The following LRRC37A2 variants were observed in gnomAD, a reference collection of about 807,000 sequenced individuals.
The protein encoded by LRRC37A2 is leucine rich repeat containing 37 member A2, also known as leucine-rich repeat-containing protein 37A2.
Under a neutral mutation model 68.8 loss-of-function variants are expected in LRRC37A2, and 9 were observed. That is an observed-to-expected ratio of 0.13 (90% CI 0.08 to 0.23). The LOEUF (loss-of-function observed/expected upper bound fraction) is 0.23. Ranked by LOEUF, LRRC37A2 falls within the 10% of genes least tolerant of loss-of-function variation. The probability of loss-of-function intolerance (pLI) is 1.00; values close to 1 mark genes in which losing one functional copy is unlikely to be tolerated. For synonymous variants in LRRC37A2, 63 were observed against 367.6 expected, an observed-to-expected ratio of 0.17 and a Z score of 9.48; for missense variants, 168 against 950.4, an observed-to-expected ratio of 0.18 and a Z score of 10.82.
the LRRC37A2 span, among the ~76,000 whole-genome samples, chr17:46,818,298 C>A: frequency 2.3e-4 from 35 of 149,626 alleles, no homozygotes; most frequent in Non-Finnish European, 4.6e-4. Context: ...CCAGCCCCTG[C>A]AGCGGGGAGC....
chr17:47,024,227 G>A, the LRRC37A2 span, among the ~76,000 whole-genome samples: 18 of 152,282 alleles, frequency 1.2e-4, no homozygotes, highest in African/African-American at 4.1e-4. Flanking sequence ...TATGTTATGT[G>A]CACTTTATGC....
At chr17:46,941,465 G>A in the LRRC37A2 span, 3 of 980,180 alleles carry the variant, frequency 3.1e-6, no homozygotes, top group Non-Finnish European at 3.6e-6. Flanking sequence ...CCATGGCCAG[G>A]GGCTGGGCTG....
the LRRC37A2 span, among the ~76,000 whole-genome samples, chr17:46,812,185 C>G: frequency 6.8e-6 from 1 of 147,288 alleles, no homozygotes; most frequent in Non-Finnish European, 1.5e-5. Flanking sequence ...GGCCTAGCCT[C>G]TCACTGAGAG....
chr17:46,882,273 C>T, the LRRC37A2 span, among the ~76,000 whole-genome samples: 1 of 152,212 alleles, frequency 6.6e-6, no homozygotes, highest in African/African-American at 2.4e-5. Flanking sequence ...CTAGAACAGT[C>T]CCCCTCTTTC....
At chr17:46,996,436 G>T in the LRRC37A2 span, among the ~76,000 whole-genome samples, 1 of 152,170 alleles carries the variant, frequency 6.6e-6, no homozygotes, top group Non-Finnish European at 1.5e-5. Flanking sequence ...ATATGCCCAT[G>T]ACCTGGGTTA....
the LRRC37A2 span, among the ~76,000 whole-genome samples, chr17:46,708,630 T>C: frequency 2.7e-5 from 4 of 149,730 alleles, no homozygotes; most frequent in Non-Finnish European, 1.5e-5. Flanking sequence ...TAGCTGGGAT[T>C]GTAGGCACCC....
At chr17:46,965,379 G>A in the LRRC37A2 span, among the ~76,000 whole-genome samples, 3 of 152,242 alleles carry the variant, frequency 2.0e-5, no homozygotes, top group African/African-American at 7.2e-5. Flanking sequence ...CAAGGAGAGA[G>A]AAAGCTGGTC....
At chr17:46,940,142 T>C in the LRRC37A2 span, 4 of 1,293,220 alleles carry the variant, frequency 3.1e-6, no homozygotes, top group Non-Finnish European at 3.9e-6. Flanking sequence ...TCCCCGCTGC[T>C]CTGTAGTCAT....
the LRRC37A2 span, chr17:46,932,347 T>C: frequency 1.2e-6 from 1 of 857,062 alleles, no homozygotes; most frequent in Non-Finnish European, 1.9e-6. Flanking sequence ...CTTTGTGCAT[T>C]GCCACAGAGA....
At chr17:47,005,137 T>A in the LRRC37A2 span, among the ~76,000 whole-genome samples, 1 of 152,258 alleles carries the variant, frequency 6.6e-6, no homozygotes, top group East Asian at 1.9e-4. Flanking sequence ...TCCAAGTAAA[T>A]GTGTAAGTCA....
At chr17:46,831,001 G>A in the LRRC37A2 span, 1 of 377,778 alleles carries the variant, frequency 2.6e-6, no homozygotes, top group Non-Finnish European at 4.7e-6. Context: ...TGTTGAAAAT[G>A]AGTAAATCTA....
At chr17:46,495,006 A>G in the LRRC37A2 span, among the ~76,000 whole-genome samples, 1 of 149,850 alleles carries the variant, frequency 6.7e-6, no homozygotes, top group Non-Finnish European at 1.5e-5. Context: ...CCATCATTCT[A>G]CTGCCTATCT....
chr17:46,751,925 T>G, the LRRC37A2 span, among the ~76,000 whole-genome samples: 1 of 152,180 alleles, frequency 6.6e-6, no homozygotes, highest in Non-Finnish European at 1.5e-5. Context: ...ATTTTGGAGA[T>G]AAGGATACTA....
At chr17:46,747,365 C>T in the LRRC37A2 span, among the ~76,000 whole-genome samples, 5 of 152,188 alleles carry the variant, frequency 3.3e-5, no homozygotes, top group Non-Finnish European at 7.4e-5. Flanking sequence ...ACTCCAGCCT[C>T]AAACTCCTTG....
the LRRC37A2 span, among the ~76,000 whole-genome samples, chr17:46,951,444 A>C: frequency 6.6e-6 from 1 of 152,172 alleles, no homozygotes; most frequent in Non-Finnish European, 1.5e-5. Context: ...GCGCCAGCCC[A>C]CGTCTCCAGA....
At chr17:46,528,976 T>G (rs1375906996) in intron 6 of LRRC37A2, 1 of 545,296 alleles carries the variant, frequency 1.8e-6, no homozygotes, top group East Asian at 3.2e-5. Context: ...GGAACCAGTT[T>G]TCCCTGACAG....
At chr17:46,881,263 C>T in the LRRC37A2 span, among the ~76,000 whole-genome samples, 6 of 152,250 alleles carry the variant, frequency 3.9e-5, no homozygotes. Context: ...CAGTCCAGCC[C>T]TGCAGGGGCC....
At chr17:47,036,703 C>T in the LRRC37A2 span, among the ~76,000 whole-genome samples, 60 of 150,750 alleles carry the variant, frequency 4.0e-4, no homozygotes, top group African/African-American at 1.4e-3. Context: ...ATTTATTTGT[C>T]TGTCCACATT....
chr17:46,803,229 TTTCA>T, the LRRC37A2 span, among the ~76,000 whole-genome samples: 3 of 152,192 alleles, frequency 2.0e-5, no homozygotes, highest in African/African-American at 7.2e-5. Flanking sequence ...TTTCCTGTAC[TTTCA>T]TTAAAAAGTT....
Sources: gnomAD v4.1 joint callset for allele counts (sites outside exome capture counted in the v4.1 genomes callset) on GRCh38, gnomAD v4.1.1 for gene constraint, MANE v1.5 for transcripts, NCBI Gene and HGNC (gene_info 2026-07-23, HGNC 2026-07-21) for gene names.